GRM7: variants seen among roughly 807,000 people sequenced by gnomAD.
The protein encoded by GRM7 is metabotropic glutamate receptor 7.
In GRM7, 35 loss-of-function variants were observed where a neutral mutation model predicts 84.5. The ratio of observed to expected loss-of-function variants is 0.41; its 90% CI spans 0.32 to 0.55. The LOEUF (loss-of-function observed/expected upper bound fraction) is 0.55, where lower values mean the gene tolerates loss of function less well. GRM7 is among the 20% of genes least tolerant of loss of function. GRM7 has a pLI of 0.19. For synonymous variants in GRM7, 487 were observed against 455.1 expected (o/e 1.07, Z -0.89); for missense variants, 1,003 against 1,194.6 (o/e 0.84, Z 2.36).
At chr3:7,369,727 T>G (rs1694055539) in intron 4 of GRM7, among the ~76,000 whole-genome samples, 1 of 152,170 alleles carries the variant, frequency 6.6e-6, no homozygotes, top group Non-Finnish European at 1.5e-5. Flanking sequence ...GCAGTAAATA[T>G]GTTTCATTCA....
At chr3:7,660,467 T>C (rs967359858) in intron 8 of GRM7, among the ~76,000 whole-genome samples, 7 of 152,312 alleles carry the variant, frequency 4.6e-5, no homozygotes, top group South Asian at 4.1e-4. Context: ...TGTATACATA[T>C]GAAAAATTAT....
At chr3:7,109,938 A>C (rs1692786979) in intron 1 of GRM7, among the ~76,000 whole-genome samples, 1 of 152,086 alleles carries the variant, frequency 6.6e-6, no homozygotes, top group Admixed American at 6.6e-5. Context: ...TTGTATTTTT[A>C]AATTAAATAT....
At chr3:7,330,406 C>G (rs765320224) in intron 4 of GRM7, among the ~76,000 whole-genome samples, 1 of 152,130 alleles carries the variant, frequency 6.6e-6, no homozygotes, top group Non-Finnish European at 1.5e-5. Context: ...TTCTCTCTGT[C>G]CCCCTTGTAA....
At chr3:7,121,262 G>T (rs900607690) in intron 1 of GRM7, among the ~76,000 whole-genome samples, 1 of 151,992 alleles carries the variant, frequency 6.6e-6, no homozygotes, top group South Asian at 2.1e-4. Flanking sequence ...ATAGAAAGAA[G>T]AACCATTTGA....
At chr3:7,410,036 G>A (rs17654897) in intron 4 of GRM7, among the ~76,000 whole-genome samples, 46,827 of 152,060 alleles carry the variant, frequency 0.31, 8,159 homozygotes, top group Non-Finnish European at 0.4. Context: ...TCAGTGGTGG[G>A]AAGCTTGTGT....
At position 7,102,304 on chromosome 3, in the gene GRM7, C is replaced by T. The variant is rs538198253; in HGVS notation, c.520-44148C>T. The stretch of plus-strand genomic sequence containing the variant: ...TTTTGCCTTCGTATGTATTTTTTCC[C>T]CTAGATGTGGGATTTTGGTTAATAA... On this transcript the variant is annotated intron_variant, in intron 1 of 9. Transcript: ENST00000357716. Among the ~76,000 whole-genome samples, 10 of 151,554 alleles carry T rather than the reference C, an allele frequency of 6.6e-5. No individual in the cohort carries two copies. The South Asian group carries it at 1.5e-3, about 22-fold the overall frequency.
At chr3:7,074,714 T>A (rs1698003629) in intron 1 of GRM7, among the ~76,000 whole-genome samples, 1 of 152,182 alleles carries the variant, frequency 6.6e-6, no homozygotes. Flanking sequence ...AAATCTGGTG[T>A]TTTCCAGCAA....
At chr3:7,098,556 G>A (rs915979732) in intron 1 of GRM7, among the ~76,000 whole-genome samples, 1 of 151,840 alleles carries the variant, frequency 6.6e-6, no homozygotes, top group Non-Finnish European at 1.5e-5. Context: ...ACATATTTAT[G>A]CATTCTACCC....
chr3:7,526,347 T>TA (rs61332525), intron 7 of GRM7, among the ~76,000 whole-genome samples: 15,707 of 152,116 alleles, frequency 0.1, 1,168 homozygotes, highest in African/African-American at 0.21. Context: ...TGCCTTCTTT[T>TA]AAGAAGTGTC....
intron 8 of GRM7, among the ~76,000 whole-genome samples, chr3:7,619,488 C>T (rs903464398): frequency 2.6e-5 from 4 of 151,756 alleles, no homozygotes; most frequent in Admixed American, 2.0e-4. Flanking sequence ...CAAGACATTC[C>T]GGGCCTATAT....
At chr3:7,539,752 A>G (rs1692769240) in intron 7 of GRM7, among the ~76,000 whole-genome samples, 1 of 151,430 alleles carries the variant, frequency 6.6e-6, no homozygotes, top group Non-Finnish European at 1.5e-5. Flanking sequence ...ATGCAGAAGG[A>G]GGAGTTAAAG....
intron 1 of GRM7, among the ~76,000 whole-genome samples, chr3:6,980,953 G>A (rs931768285): frequency 8.5e-5 from 13 of 152,140 alleles, no homozygotes; most frequent in South Asian, 2.1e-4. Context: ...TAAACTAGAA[G>A]GGATGTTTTT....
At chr3:7,554,181 A>G (rs1157397609) in intron 7 of GRM7, among the ~76,000 whole-genome samples, 4 of 152,216 alleles carry the variant, frequency 2.6e-5, no homozygotes, top group Non-Finnish European at 5.9e-5. Flanking sequence ...AAGAATATAT[A>G]CAGTCCTTGA....
intron 4 of GRM7, among the ~76,000 whole-genome samples, chr3:7,335,170 C>T (rs57111758): frequency 0.04 from 6,014 of 152,152 alleles, 250 homozygotes; most frequent in African/African-American, 0.11. Flanking sequence ...GGCCACAAAA[C>T]AAGTCTCAAT....
chr3:7,706,226 G>A (rs1484152631), intron 9 of GRM7, among the ~76,000 whole-genome samples: 1 of 152,138 alleles, frequency 6.6e-6, no homozygotes, highest in African/African-American at 2.4e-5. Flanking sequence ...TCACTTGATT[G>A]TATTTTTGAT....
rs557506679 is a variant in GRM7, at chr3:7,006,593, C to G, written c.520-139859C>G. ...TTGTGGCTAACAAATCCTTTTTCTCCTTTCTTATGACTATTATTCAGTGTG... is the reference window on the plus strand; with the variant it reads ...TTGTGGCTAACAAATCCTTTTTCTCGTTTCTTATGACTATTATTCAGTGTG... On this transcript the variant is annotated intron_variant, in intron 1 of 9. Coordinates refer to ENST00000357716, the MANE Select transcript of GRM7 (RefSeq NM_000844.4). Among the ~76,000 whole-genome samples, 242 of 152,246 alleles carry G rather than the reference C, an allele frequency of 1.6e-3. 2 individuals are homozygous for G. Among genetic ancestry groups the G allele is most frequent in the Non-Finnish European group, 2.8e-3 (193 of 68,014 alleles).
intron 4 of GRM7, among the ~76,000 whole-genome samples, chr3:7,368,049 C>T (rs1435506942): frequency 1.3e-5 from 2 of 151,136 alleles, no homozygotes; most frequent in Non-Finnish European, 2.9e-5. Flanking sequence ...TGAGAAGAAT[C>T]CAAGAAATAA....
At chr3:7,245,446 A>C (rs1368013530) in intron 2 of GRM7, among the ~76,000 whole-genome samples, 1 of 152,082 alleles carries the variant, frequency 6.6e-6, no homozygotes, top group Non-Finnish European at 1.5e-5. Flanking sequence ...AACGACAATA[A>C]GCAATGCTGG....
chr3:7,057,153 C>T (rs1358327422), intron 1 of GRM7, among the ~76,000 whole-genome samples: 1 of 151,846 alleles, frequency 6.6e-6, no homozygotes, highest in Non-Finnish European at 1.5e-5. Flanking sequence ...TTCCTAGAAA[C>T]TTGTTGAAAT....
Sources: allele counts gnomAD v4.1 joint callset (sites outside exome capture counted in the v4.1 genomes callset), GRCh38; gene constraint gnomAD v4.1.1; transcripts MANE v1.5; gene names NCBI Gene and HGNC (gene_info 2026-07-23, HGNC 2026-07-21).